The following LARS1 variants were observed in gnomAD, a reference collection of about 807,000 sequenced individuals.
LARS1 encodes leucyl-tRNA synthetase 1.
Under a neutral mutation model 162.8 loss-of-function variants are expected in LARS1, and 100 were observed. The ratio of observed to expected loss-of-function variants is 0.61; its 90% CI spans 0.52 to 0.73. The LOEUF (loss-of-function observed/expected upper bound fraction) is 0.73, where lower values mean the gene tolerates loss of function less well. Ranked by LOEUF, LARS1 falls within the 30% of genes least tolerant of loss-of-function variation. The probability of loss-of-function intolerance (pLI) is 0.00; values close to 1 mark genes in which losing one functional copy is unlikely to be tolerated. For missense variants in LARS1, 1,258 were observed against 1,408.9 expected (o/e 0.89, Z 1.71); for synonymous variants, 457 against 462.8 (o/e 0.99, Z 0.16).
At chr5:146,134,971 A>C (rs1752443635) in intron 22 of LARS1, among the ~76,000 whole-genome samples, 1 of 152,126 alleles carries the variant, frequency 6.6e-6, no homozygotes, top group Non-Finnish European at 1.5e-5. Flanking sequence ...TGGAATACCA[A>C]ATACAGAGGA....
intron 27 of LARS1, among the ~76,000 whole-genome samples, chr5:146,127,950 C>T (rs967716175): frequency 6.6e-6 from 1 of 152,078 alleles, no homozygotes. Context: ...TACATTTTGA[C>T]CACAATCCGT....
chr5:146,119,027 C>T (rs748249799), intron 31 of LARS1, among the ~76,000 whole-genome samples: 5 of 152,168 alleles, frequency 3.3e-5, no homozygotes, highest in Non-Finnish European at 7.4e-5. Flanking sequence ...GTATAATGTT[C>T]AAGGCCCCAT....
intron 10 of LARS1, among the ~76,000 whole-genome samples, chr5:146,155,032 A>G (rs574434495): frequency 2.6e-4 from 40 of 152,068 alleles, no homozygotes; most frequent in African/African-American, 9.6e-4. Context: ...CTGTATTTTT[A>G]GTAGAGACAG....
intron 23 of LARS1, 46 bp downstream of exon 23, chr5:146,132,852 G>T (rs759954322): frequency 6.9e-7 from 1 of 1,441,928 alleles, no homozygotes; most frequent in Non-Finnish European, 9.6e-7. Flanking sequence ...AATGCACCAG[G>T]ACTAAGTAAC....
intron 6 of LARS1, among the ~76,000 whole-genome samples, chr5:146,163,410 G>T (rs1210897745): frequency 6.6e-6 from 1 of 152,140 alleles, no homozygotes; most frequent in African/African-American, 2.4e-5. Context: ...TTTGGGCCAG[G>T]TTCAGTGGCT....
intron 7 of LARS1, among the ~76,000 whole-genome samples, chr5:146,159,961 AC>A (rs1444646787): frequency 1.3e-5 from 2 of 152,002 alleles, no homozygotes; most frequent in Non-Finnish European, 2.9e-5. Context: ...ATAAAAGCCC[AC>A]CCTCCCATTC....
intron 22 of LARS1, among the ~76,000 whole-genome samples, chr5:146,133,541 C>T (rs1752382431): frequency 6.6e-6 from 1 of 152,086 alleles, no homozygotes; most frequent in African/African-American, 2.4e-5. Flanking sequence ...AAACTAGGTT[C>T]TTACAAGTTT....
chr5:146,145,069 GT>G (rs1338552407), intron 15 of LARS1, among the ~76,000 whole-genome samples: 1 of 151,638 alleles, frequency 6.6e-6, no homozygotes, highest in Non-Finnish European at 1.5e-5. Flanking sequence ...GGGGTTTTAT[GT>G]TTTTTTTGTT....
intron 20 of LARS1, among the ~76,000 whole-genome samples, chr5:146,142,339 A>T (rs1185967898): frequency 6.6e-6 from 1 of 152,226 alleles, no homozygotes; most frequent in Non-Finnish European, 1.5e-5. Context: ...GAAAAAATGT[A>T]ATTTTATTCT....
intron 28 of LARS1, among the ~76,000 whole-genome samples, chr5:146,125,896 T>C (rs993216644): frequency 6.6e-6 from 1 of 151,992 alleles, no homozygotes; most frequent in African/African-American, 2.4e-5. Flanking sequence ...ATATTTTTCA[T>C]TGTCATAACT....
chr5:146,150,918 G>A (rs900596845), intron 14 of LARS1, among the ~76,000 whole-genome samples: 3 of 148,712 alleles, frequency 2.0e-5, no homozygotes, highest in Non-Finnish European at 4.4e-5. Flanking sequence ...CAGCCTGTGA[G>A]ACAGAGCAAG....
Position 146,168,166 on chromosome 5 carries a change from C to T in LARS1, c.394G>A (p.Glu132Lys). Residue 132 changes from glutamate to lysine, a missense_variant, in exon 5 of 32, where the codon GAA becomes AAA. Glu to Lys is a moderately conservative substitution (Grantham distance 56, BLOSUM62 1). Transcript: ENST00000394434. ...GCTTTATCCTTAATTATTATATCTT[C>T]TGTTTTAACACTGGTTTCTTCCTCT... ...EEEEETSVKT[E>K]DIIIKDKAKG... 6.2e-7 allele frequency: 1 copy of T among 1,610,202 alleles called. No individual in the cohort carries two copies. The highest frequency in any genetic ancestry group is 1.7e-4 in the Middle Eastern group (1 of 6,054).
chr5:146,135,799 T>G, intron 21 of LARS1, 135 bp from the exon 22 acceptor site: 8 of 590,176 alleles, frequency 1.4e-5, no homozygotes, highest in Admixed American at 3.8e-5. Context: ...GGAAAAGATA[T>G]TACACTAATT....
In LARS1 at chr5:146,140,662, C is replaced by T. The variant is rs781317953; in HGVS notation, c.2091-401G>A. ...CTCTACTAAAAATACAAATATTAGC[C>T]GGGTGTGGTGGCTGGCGCCTGTGAT... On this transcript the variant is annotated intron_variant, in intron 20 of 31. Coordinates refer to ENST00000394434, the MANE Select transcript of LARS1 (RefSeq NM_020117.11). Among the ~76,000 whole-genome samples, 113 of 152,222 alleles carry T rather than the reference C, an allele frequency of 7.4e-4. 2 individuals carry two copies. Among genetic ancestry groups the T allele is most frequent in the Non-Finnish European group, 1.5e-3 (100 of 68,008 alleles).
intron 20 of LARS1, chr5:146,142,664 G>T (rs1264609927): frequency 5.9e-6 from 3 of 504,314 alleles, no homozygotes; most frequent in Non-Finnish European, 1.1e-5. Flanking sequence ...GATATGACAT[G>T]CTTTGGTGCC....
In LARS1 at chr5:146,174,394, G is replaced by A. The variant is rs1325170172; in HGVS notation, c.126-1620C>T. On this transcript the variant is annotated intron_variant, in intron 2 of 31. Coordinates refer to ENST00000394434, the MANE Select transcript of LARS1 (RefSeq NM_020117.11). The stretch of plus-strand genomic sequence containing the variant: ...CGGGAGTCGGAGGTTGCGGTGAGCC[G>A]AGATCACACCATTGCACTCCAGCCT... 5.6e-5 allele frequency among the ~76,000 whole-genome samples: 8 copies of A among 143,028 alleles called. No homozygotes were observed. The Admixed American group carries it at 5.9e-4, about 11-fold the overall frequency. The allele number at this position is 143,028 out of a possible 152,430, so 93.8% of individuals were successfully genotyped here. A position where few individuals can be genotyped will look rare whatever the true frequency, so the allele number is the denominator to read the frequency against.
At chr5:146,153,125 C>A in intron 13 of LARS1, 49 bp downstream of exon 13, 1 of 1,396,428 alleles carries the variant, frequency 7.2e-7, no homozygotes, top group South Asian at 1.2e-5. Context: ...TCTTCTTTTT[C>A]TCTGATAAAG....
At chr5:146,160,010 G>A (rs938121443) in intron 7 of LARS1, among the ~76,000 whole-genome samples, 1 of 151,924 alleles carries the variant, frequency 6.6e-6, no homozygotes, top group East Asian at 1.9e-4. Context: ...AAGCAGCTCA[G>A]AGAAATTAAG....
intron 21 of LARS1, chr5:146,139,040 GAAAA>G (rs371218055): frequency 7.2e-3 from 1,472 of 203,936 alleles, no homozygotes; most frequent in South Asian, 0.021. Context: ...GTGGATTTGT[GAAAA>G]AAAAAAAAAA....
Sources: allele counts gnomAD v4.1 joint callset (sites outside exome capture counted in the v4.1 genomes callset), GRCh38; gene constraint gnomAD v4.1.1; transcripts MANE v1.5; gene names NCBI Gene and HGNC (gene_info 2026-07-23, HGNC 2026-07-21).